Variants in CCDC170 observed in about 807,000 individuals in gnomAD.
CCDC170 encodes the protein coiled-coil domain containing 170.
In CCDC170, 69 loss-of-function variants were observed where a neutral mutation model predicts 72.6. The ratio of observed to expected loss-of-function variants is 0.95; its 90% confidence interval spans 0.78 to 1.16. CCDC170 has a LOEUF of 1.16. CCDC170 is among the 50% of genes most tolerant of loss of function. CCDC170 has a pLI of 0.00. For missense variants in CCDC170, 852 were observed against 832.5 expected (o/e 1.02, Z -0.29); for synonymous variants, 300 against 303.9 (o/e 0.99, Z 0.13).
At chr6:151,541,760 A>G (rs1782693667) in intron 3 of CCDC170, among the ~76,000 whole-genome samples, 1 of 149,364 alleles carries the variant, frequency 6.7e-6, no homozygotes, top group Non-Finnish European at 1.5e-5. Context: ...TCAGAAAATC[A>G]TATACAAATG....
At chr6:151,516,986 G>A (rs905195574) in intron 1 of CCDC170, among the ~76,000 whole-genome samples, 1 of 152,218 alleles carries the variant, frequency 6.6e-6, no homozygotes, top group African/African-American at 2.4e-5. Flanking sequence ...CAAGCTTCCA[G>A]CTTACTTGTC....
In CCDC170 at chr6:151,510,345, A is replaced by G. The variant is rs138216291; in HGVS notation, c.57+16160A>G. On this transcript the variant is annotated intron_variant, in intron 1 of 10. Coordinates refer to ENST00000239374, the MANE Select transcript of CCDC170 (RefSeq NM_025059.4). ...AAAAAGAGCTTCCGAGAAAAATTTC[A>G]CACTTATGCTAATTCTAGAAATGAG... Among the ~76,000 whole-genome samples, 1,514 of 152,346 alleles carry G rather than the reference A, an allele frequency of 9.9e-3. 18 individuals are homozygous for G. Among genetic ancestry groups the G allele is most frequent in the Non-Finnish European group, 0.016 (1,070 of 68,032 alleles).
At chr6:151,567,759 C>G (rs528155601) in intron 5 of CCDC170, among the ~76,000 whole-genome samples, 8 of 152,270 alleles carry the variant, frequency 5.3e-5, no homozygotes, top group Admixed American at 5.2e-4. Context: ...ACTCTCACCA[C>G]TAGCCACTTA....
intron 8 of CCDC170, 128 bp from the exon 9 acceptor site, chr6:151,596,207 G>A (rs1303312030): frequency 1.7e-6 from 2 of 1,145,688 alleles, no homozygotes; most frequent in East Asian, 2.7e-5. Flanking sequence ...GGAATCCAAT[G>A]ACTTTTTTGA....
chr6:151,498,986 A>G (rs1781949788), intron 1 of CCDC170, among the ~76,000 whole-genome samples: 2 of 149,650 alleles, frequency 1.3e-5, no homozygotes, highest in East Asian at 2.0e-4. Context: ...GGCACACTGT[A>G]TAAGTGGAAT....
At chr6:151,597,057 C>A (rs1776637560) in intron 9 of CCDC170, among the ~76,000 whole-genome samples, 1 of 152,186 alleles carries the variant, frequency 6.6e-6, no homozygotes, top group Non-Finnish European at 1.5e-5. Context: ...AACTCCTGAT[C>A]TCAGGTGATC....
chr6:151,539,794 G>A (rs1782654189), intron 3 of CCDC170, among the ~76,000 whole-genome samples: 1 of 152,150 alleles, frequency 6.6e-6, no homozygotes, highest in Non-Finnish European at 1.5e-5. Context: ...CCAAAACGGA[G>A]CTCCCAGTGT....
At chr6:151,593,338 A>C in intron 8 of CCDC170, 58 bp downstream of exon 8, 1 of 1,554,140 alleles carries the variant, frequency 6.4e-7, no homozygotes, top group Non-Finnish European at 8.8e-7. Flanking sequence ...AAACCCAAAC[A>C]TTGAAAAATA....
intron 5 of CCDC170, among the ~76,000 whole-genome samples, chr6:151,571,312 T>A (rs1196079808): frequency 1.4e-5 from 1 of 69,732 alleles, no homozygotes; most frequent in Non-Finnish European, 2.5e-5. Flanking sequence ...TAACATACTA[T>A]TTTTAATAAT....
intron 9 of CCDC170, among the ~76,000 whole-genome samples, chr6:151,608,699 A>T (rs1776822410): frequency 6.6e-6 from 1 of 152,204 alleles, no homozygotes; most frequent in East Asian, 1.9e-4. Context: ...CTGGTGACAC[A>T]TGCAGAGATG....
intron 1 of CCDC170, among the ~76,000 whole-genome samples, chr6:151,527,684 G>T (rs1019562840): frequency 6.6e-6 from 1 of 151,960 alleles, no homozygotes; most frequent in Admixed American, 6.6e-5. Context: ...AGAAAGAGAG[G>T]GAGAGAGAAA....
chr6:151,499,429 G>T (rs370646518), intron 1 of CCDC170, among the ~76,000 whole-genome samples: 58 of 114,552 alleles, frequency 5.1e-4, no homozygotes, highest in Middle Eastern at 5.5e-3. Flanking sequence ...AGTGGAATCA[G>T]ACTGTATTTG....
chr6:151,573,341 T>G lies in CCDC170; in HGVS notation c.942T>G (p.Asp314Glu). Residue 314 changes from aspartate to glutamate, a missense_variant, in exon 6 of 11, where the codon GAT becomes GAG. Coordinates refer to ENST00000239374, the MANE Select transcript of CCDC170 (RefSeq NM_025059.4). ...AGAAGAGTTTGAAGGCCAGTCAGGA[T>G]GCAGTCACAACCTCACAAAGCCAGT... ...ELEKSLKASQ[D>E]AVTTSQSQYF... 6.2e-7 allele frequency: 1 copy of G among 1,614,170 alleles called. No homozygotes were observed. Among genetic ancestry groups the G allele is most frequent in the African/African-American group, 1.3e-5 (1 of 75,046 alleles).
intron 1 of CCDC170, among the ~76,000 whole-genome samples, chr6:151,533,093 A>G (rs944952924): frequency 4.4e-4 from 59 of 134,802 alleles, no homozygotes; most frequent in Non-Finnish European, 7.0e-4. Context: ...TCGCTCTGTC[A>G]CCCAGGTTGG....
rs945016156 is a variant in CCDC170 at position 151,557,338 on chromosome 6, G to A, written c.774+8849G>A. On this transcript the variant is annotated intron_variant, in intron 5 of 10. Transcript: ENST00000239374. ...GCAGGAGAATGGCATGAACCCAGGA[G>A]GCGGAGGTTGCAGTGAGCCGAGATC... is the stretch of plus-strand genomic sequence containing the variant. Among the ~76,000 whole-genome samples the A allele has an allele frequency of 6.6e-5, 10 of 151,922 alleles. No homozygotes were observed. The East Asian group carries it at 1.9e-3, about 29-fold the overall frequency.
intron 5 of CCDC170, among the ~76,000 whole-genome samples, chr6:151,572,104 C>T (rs1008588366): frequency 7.2e-5 from 11 of 152,168 alleles, no homozygotes; most frequent in African/African-American, 2.7e-4. Context: ...TCTTTTGTCT[C>T]GATCTCCCAA....
At chr6:151,547,345 A>G (rs1353017086) in intron 4 of CCDC170, among the ~76,000 whole-genome samples, 2 of 152,208 alleles carry the variant, frequency 1.3e-5, no homozygotes, top group Non-Finnish European at 2.9e-5. Context: ...CCAAATAAAT[A>G]TCTACGATTG....
chr6:151,569,810 G>A (rs189880722), intron 5 of CCDC170, among the ~76,000 whole-genome samples: 1 of 152,192 alleles, frequency 6.6e-6, no homozygotes, highest in Non-Finnish European at 1.5e-5. Flanking sequence ...GAGCACTAAG[G>A]GAGCGACCAT....
chr6:151,508,920 C>T (rs1782102164), intron 1 of CCDC170, among the ~76,000 whole-genome samples: 1 of 150,100 alleles, frequency 6.7e-6, no homozygotes, highest in South Asian at 2.1e-4. Context: ...AGGGCTGAGG[C>T]AAGAGAATCA....
Sources: gnomAD v4.1 joint callset for allele counts (sites outside exome capture counted in the v4.1 genomes callset) on GRCh38, gnomAD v4.1.1 for gene constraint, MANE v1.5 for transcripts, NCBI Gene and HGNC (gene_info 2026-07-23, HGNC 2026-07-21) for gene names.